Variants in DSP observed in about 807,000 individuals in gnomAD.
DSP encodes desmoplakin.
In DSP, 114 loss-of-function variants were observed where a neutral mutation model predicts 290.6. The ratio of observed to expected loss-of-function variants is 0.39; its 90% CI spans 0.34 to 0.46. The LOEUF (loss-of-function observed/expected upper bound fraction) is 0.46, where lower values mean the gene tolerates loss of function less well. Ranked by LOEUF, DSP falls within the 20% of genes least tolerant of loss-of-function variation. The pLI is 0.99. For synonymous variants in DSP, 1,311 were observed against 1,316.4 expected (o/e 1.00, Z 0.09); for missense variants, 3,230 against 3,495.8 (o/e 0.92, Z 1.92).
At position 7,584,869 on chromosome 6, in the gene DSP, A is replaced by T. The variant is rs765859934; in HGVS notation, c.7607A>T (p.Lys2536Met). The T allele has an allele frequency of 1.2e-6, 2 of 1,614,238 alleles. No individual in the cohort carries two copies. Among genetic ancestry groups the T allele is most frequent in the East Asian group, 4.5e-5 (2 of 44,888 alleles). Residue 2536 changes from lysine (K) to methionine (M), a missense_variant, in exon 24 of 24, where the codon AAG becomes ATG. By Grantham distance (95) the Lys-to-Met change is moderately conservative. Coordinates refer to ENST00000379802, the MANE Select transcript of DSP (RefSeq NM_004415.4). The surrounding 1 kb of genome is among the most constrained non-coding windows in gnomAD (Gnocchi z 6.4). ...TATGATATTCAAGATGCTATTGACA[A>T]GGGCCTTGTTGACAGGAAGTTCTTT... is the stretch of plus-strand genomic sequence containing the variant. ...SQYDIQDAID[K>M]GLVDRKFFDQ...
In DSP at chr6:7,569,299, C is replaced by T; in HGVS notation, c.1533C>T (p.Ile511=). The T allele has an allele frequency of 1.9e-6, 3 of 1,614,132 alleles. No homozygotes were observed. Among genetic ancestry groups the T allele is most frequent in the Non-Finnish European group, 2.5e-6 (3 of 1,180,004 alleles). The stretch of plus-strand genomic sequence containing the variant: ...TGCTTGTTCCCTCTGTGGGGCTGAT[C>T]ATCCCTCCTCCGAACCCACTGGCCG... ...VDMLVPSVGL[I]IPPPNPLAVD... The change falls in exon 12 of 24, where the codon ATC becomes ATT. Residue 511 remains isoleucine (I), a synonymous_variant. Coordinates refer to ENST00000379802, the MANE Select transcript of DSP (RefSeq NM_004415.4).
intron 4 of DSP, 30 bp downstream of exon 4, chr6:7,559,430 G>A: frequency 6.2e-7 from 1 of 1,611,884 alleles, no homozygotes; most frequent in Non-Finnish European, 8.5e-7. Flanking sequence ...GCCCAAACCT[G>A]TGCAGGCCAG....
Position 7,584,027 on chromosome 6 carries a change from G to T in DSP, c.6765G>T (p.Gln2255His), listed in dbSNP as rs766183320. Residue 2255 changes from glutamine (Q) to histidine (H), a missense_variant, in exon 24 of 24, where the codon CAG (glutamine) becomes CAT (histidine). Physicochemically the swap from Gln to His is conservative, Grantham distance 24 (BLOSUM62 0). Around this residue, in one of 5 missense-constraint regions of DSP, gnomAD observed 207 missense variants for 281.2 expected, o/e 0.74. Coordinates refer to ENST00000379802, the MANE Select transcript of DSP (RefSeq NM_004415.4). This position sits in a 1 kb window ranked among gnomAD's most constrained non-coding sequence, Gnocchi z 6.4. The stretch of plus-strand genomic sequence containing the variant: ...GTGAGAGAATTAAGGACTTCCTCCA[G>T]GGTTCAAGCTGCATAGCAGGCATAT... ...EVGERIKDFLQGSSCIAGIYN... is the reference protein window; with the variant it reads ...EVGERIKDFLHGSSCIAGIYN... 6 of 1,614,158 alleles carry T rather than the reference G, an allele frequency of 3.7e-6. No individual in the cohort carries two copies. The Admixed American group carries it at 1.0e-4, about 27-fold the overall frequency.
At position 7,541,940 on chromosome 6, in the gene DSP, C is replaced by T. The variant is rs763115916; in HGVS notation, c.25C>T (p.Pro9Ser). Residue 9 changes from proline (P) to serine (S), a missense_variant, in exon 1 of 24, where the codon CCG becomes TCG. Coordinates refer to ENST00000379802, the MANE Select transcript of DSP (RefSeq NM_004415.4). MSCNGGSH[P>S]RINTLGRMIR... ...CATGAGCTGCAACGGAGGCTCCCACCCGCGGATCAACACTCTGGGCCGCAT... is the reference window on the plus strand; with the variant it reads ...CATGAGCTGCAACGGAGGCTCCCACTCGCGGATCAACACTCTGGGCCGCAT... The T allele has an allele frequency of 5.0e-6, 8 of 1,608,354 alleles. No individual in the cohort carries two copies. The highest frequency in any genetic ancestry group is 6.8e-6 in the Non-Finnish European group (8 of 1,178,378).
chr6:7,553,243 T>C (rs138547999), intron 1 of DSP, among the ~76,000 whole-genome samples: 1 of 152,310 alleles, frequency 6.6e-6, no homozygotes, highest in Non-Finnish European at 1.5e-5. Context: ...GTGCGGGGAT[T>C]ACAGGCGTGC....
chr6:7,571,682 T>C (rs1759058343), intron 14 of DSP, 98 bp downstream of exon 14: 1 of 1,523,834 alleles, frequency 6.6e-7, no homozygotes, highest in South Asian at 1.1e-5. Context: ...TTTCTCTGAA[T>C]GCTATATAGC....
At position 7,580,704 on chromosome 6, in the gene DSP, C is replaced by G; in HGVS notation, c.4514C>G (p.Ala1505Gly). The G allele has an allele frequency of 6.2e-7, 1 of 1,613,946 alleles. No homozygotes were observed. Among genetic ancestry groups the G allele is most frequent in the Non-Finnish European group, 8.5e-7 (1 of 1,180,018 alleles). The change falls in exon 23 of 24, where the codon GCG (alanine) becomes GGG (glycine). Residue 1505 changes from alanine (A) to glycine (G), a missense_variant. Transcript: ENST00000379802. This position sits in a 1 kb window ranked among gnomAD's most constrained non-coding sequence, Gnocchi z 4.2. The part of the protein sequence containing the change: ...NDRKCLEDEN[A>G]RLQRVQYDLQ... ...CGGAAATGCCTGGAAGATGAAAACG[C>G]GAGATTACAAAGGGTCCAGTATGAC...
At chr6:7,552,459 A>G (rs1453567650) in intron 1 of DSP, among the ~76,000 whole-genome samples, 1 of 151,184 alleles carries the variant, frequency 6.6e-6, no homozygotes, top group Non-Finnish European at 1.5e-5. Flanking sequence ...GCTACTCCAG[A>G]GGCTGAGGCA....
At chr6:7,566,528 T>C (rs529971942) in intron 8 of DSP, 47 bp downstream of exon 8, 11 of 1,482,058 alleles carry the variant, frequency 7.4e-6, no homozygotes, top group Non-Finnish European at 1.0e-5. Context: ...AAAAAACTTT[T>C]CATAAAGTAA....
At chr6:7,567,541 A>G in intron 9 of DSP, 92 bp downstream of exon 9, 1 of 1,285,406 alleles carries the variant, frequency 7.8e-7, no homozygotes, top group Non-Finnish European at 1.1e-6. Context: ...ATAATCTTCA[A>G]AATGTTGCAT....
At chr6:7,575,135 C>T (rs1759195472) in intron 17 of DSP, among the ~76,000 whole-genome samples, 160 bp from the exon 18 acceptor site, 1 of 152,110 alleles carries the variant, frequency 6.6e-6, no homozygotes, top group South Asian at 2.1e-4. Flanking sequence ...CTGGGAAATG[C>T]AATTCAGTAA....
rs1759406088 is a variant in DSP, at chr6:7,580,729, C to T, written c.4539C>T (p.Asp1513=). ...CGAGATTACAAAGGGTCCAGTATGA[C>T]CTGCAGAAAGCAAACAGTAGTGCGA... ...ENARLQRVQY[D]LQKANSSATE... is the part of the protein sequence containing the mutation. Residue 1513 remains aspartate (D), a synonymous_variant, in exon 23 of 24, where the codon GAC becomes GAT. Transcript: ENST00000379802. This position sits in a 1 kb window ranked among gnomAD's most constrained non-coding sequence, Gnocchi z 4.2. The T allele has an allele frequency of 2.5e-6, 4 of 1,613,976 alleles. No homozygotes were observed. Among genetic ancestry groups the T allele is most frequent in the South Asian group, 1.1e-5 (1 of 91,086 alleles).
chr6:7,569,104 A>G, intron 11 of DSP, 82 bp from the exon 12 acceptor site: 1 of 1,587,622 alleles, frequency 6.3e-7, no homozygotes, highest in Non-Finnish European at 8.6e-7. Flanking sequence ...GCATGTGTTC[A>G]TCTCTGTTTC....
At chr6:7,558,010 AC>A in intron 2 of DSP, 105 bp from the exon 3 acceptor site, 1 of 1,378,062 alleles carries the variant, frequency 7.3e-7, no homozygotes, top group Non-Finnish European at 1.0e-6. Flanking sequence ...GGCGAAACTT[AC>A]AGTTTTTGTC....
Position 7,585,328 on chromosome 6 carries a change from AG to A in DSP, c.8067del (p.Lys2689AsnfsTer8). ...VIDQDMATRL[K>X]PAQKAFIGFE... ...GACCAAGACATGGCCACCAGGCTGA[AG>A]CCTGCTCAGAAAGCCTTCATAGGCT... On this transcript the variant is annotated frameshift_variant, in exon 24 of 24. Coordinates refer to ENST00000379802, the MANE Select transcript of DSP (RefSeq NM_004415.4). LOFTEE classifies it high-confidence loss of function. The A allele has an allele frequency of 6.2e-7, 1 of 1,614,188 alleles. No individual in the cohort carries two copies. The highest frequency in any genetic ancestry group is 8.5e-7 in the Non-Finnish European group (1 of 1,180,044).
At position 7,550,270 on chromosome 6, in the gene DSP, A is replaced by T. The variant is rs372165733; in HGVS notation, c.171-5448A>T. Among the ~76,000 whole-genome samples, 743 of 148,234 alleles carry T rather than the reference A, an allele frequency of 5.0e-3. 6 individuals are homozygous for T. The highest frequency in any genetic ancestry group is 0.017 in the African/African-American group (687 of 39,924). On this transcript the variant is annotated intron_variant, in intron 1 of 23. Coordinates refer to ENST00000379802, the MANE Select transcript of DSP (RefSeq NM_004415.4). ...GGGTTTCGCCATGTTGCCCAGGCTG[A>T]TCTTAAACTCCTGGGTTCAAGCAAT... is the stretch of plus-strand genomic sequence containing the variant.
In DSP at chr6:7,579,616, G is replaced by C; in HGVS notation, c.3426G>C (p.Leu1142=). Residue 1142 remains leucine (L), a synonymous_variant, in exon 23 of 24, where the codon CTG becomes CTC. Coordinates refer to ENST00000379802, the MANE Select transcript of DSP (RefSeq NM_004415.4). This position sits in a 1 kb window ranked among gnomAD's most constrained non-coding sequence, Gnocchi z 4.1. ...AACAGAAGAATGACTATGACCAACT[G>C]CAGAAAGCAAGGCAATGTGAAAAGG... The part of the protein sequence containing the change: ...FDQQKNDYDQ[L]QKARQCEKEN... 6.2e-7 allele frequency: 1 copy of C among 1,614,000 alleles called. No homozygotes were observed. Among genetic ancestry groups the C allele is most frequent in the Non-Finnish European group, 8.5e-7 (1 of 1,180,024 alleles).
chr6:7,556,923 C>G (rs1286766769), intron 2 of DSP, among the ~76,000 whole-genome samples: 1 of 152,192 alleles, frequency 6.6e-6, no homozygotes, highest in Admixed American at 6.5e-5. Context: ...TACACACACA[C>G]ACGTCATTTG....
chr6:7,564,360 T>C (rs1048492287), intron 6 of DSP, among the ~76,000 whole-genome samples: 1 of 152,238 alleles, frequency 6.6e-6, no homozygotes, highest in Admixed American at 6.5e-5. Context: ...TTTTGCCTAT[T>C]TGTGTCATCA....
Sources: allele counts gnomAD v4.1 joint callset (sites outside exome capture counted in the v4.1 genomes callset), GRCh38; gene constraint gnomAD v4.1.1; regional missense constraint gnomAD v4.1.1; non-coding constraint Gnocchi (gnomAD v3.1); transcripts MANE v1.5; gene names NCBI Gene and HGNC (gene_info 2026-07-23, HGNC 2026-07-21).